The following USP40 variants were observed in gnomAD, a reference collection of about 807,000 sequenced individuals.
USP40 encodes ubiquitin carboxyl-terminal hydrolase 40.
In USP40, 143 loss-of-function variants were observed where a neutral mutation model predicts 166.2. That is an observed-to-expected ratio of 0.86 (90% CI 0.75 to 0.99). USP40 has a LOEUF of 0.99. Ranked by LOEUF, USP40 falls within the 50% of genes least tolerant of loss-of-function variation. The pLI is 0.00. For synonymous variants in USP40, 498 were observed against 524.0 expected, an observed-to-expected ratio of 0.95 and a Z score of 0.68; for missense variants, 1,444 against 1,479.7, an observed-to-expected ratio of 0.98 and a Z score of 0.40.
At chr2:233,540,489 T>C (rs1247971786) in intron 10 of USP40, among the ~76,000 whole-genome samples, 173 bp downstream of exon 10, 1 of 152,236 alleles carries the variant, frequency 6.6e-6, no homozygotes, top group African/African-American at 2.4e-5. Context: ...CTATGATAAA[T>C]AACTCAGTAA....
At chr2:233,552,324 T>C (rs1269964206) in intron 6 of USP40, among the ~76,000 whole-genome samples, 7 of 151,776 alleles carry the variant, frequency 4.6e-5, no homozygotes, top group Admixed American at 4.6e-4. Flanking sequence ...TCAACTATAA[T>C]GTGGCTGAGA....
intron 2 of USP40, 57 bp downstream of exon 2, chr2:233,565,299 A>T (rs548890122): frequency 7.7e-7 from 1 of 1,296,768 alleles, no homozygotes; most frequent in East Asian, 2.5e-5. Flanking sequence ...TGCATAATTA[A>T]TTACATGTAA....
Position 233,477,508 on chromosome 2 carries a change from A to C in USP40, c.3600-5T>G. The C allele has an allele frequency of 6.2e-7, 1 of 1,611,562 alleles. No individual in the cohort carries two copies. Among genetic ancestry groups the C allele is most frequent in the Non-Finnish European group, 8.5e-7 (1 of 1,178,792 alleles). On this transcript the variant is annotated splice_region_variant and splice_polypyrimidine_tract_variant and intron_variant, in intron 31 of 31. Transcript: ENST00000678225. ...TGCTCATGGAGGGCTTCTTGGCTGCAGAGACACAGACACTGTCATTGACTC... is the reference window on the plus strand; with the variant it reads ...TGCTCATGGAGGGCTTCTTGGCTGCCGAGACACAGACACTGTCATTGACTC...
chr2:233,477,841 C>T (rs993963740), intron 31 of USP40, among the ~76,000 whole-genome samples: 12 of 152,246 alleles, frequency 7.9e-5, no homozygotes, highest in African/African-American at 2.7e-4. Context: ...GCACACACAC[C>T]GCTGCACGAC....
In USP40 at chr2:233,477,139, TGA is replaced by T; in HGVS notation, c.*251_*252del. 4 of 495,870 alleles carry T rather than the reference TGA, an allele frequency of 8.1e-6. No individual in the cohort carries two copies. Among genetic ancestry groups the T allele is most frequent in the East Asian group, 3.7e-5 (1 of 27,072 alleles). 30.7% of individuals were successfully genotyped at this position (495,870 alleles called of 1,614,324 possible). On this transcript the variant is annotated 3_prime_UTR_variant, in exon 32 of 32. Coordinates refer to ENST00000678225, the MANE Select transcript of USP40 (RefSeq NM_001365479.2). ...AAGGCAGCTGGGGCCGGGTGCTGTG[TGA>T]GAGAGCCCAGCACCTACTGGCAGCT...
At chr2:233,518,876 C>T (rs541246116) in intron 18 of USP40, among the ~76,000 whole-genome samples, 1 of 152,026 alleles carries the variant, frequency 6.6e-6, no homozygotes, top group Admixed American at 6.5e-5. Context: ...CATGTTTGTC[C>T]AGGATAAACA....
At chr2:233,514,496 T>C (rs1416811248) in intron 18 of USP40, among the ~76,000 whole-genome samples, 1 of 150,274 alleles carries the variant, frequency 6.7e-6, no homozygotes, top group Non-Finnish European at 1.5e-5. Context: ...GGGAAGTGAG[T>C]TGTGAGTACG....
chr2:233,506,891 A>G (rs931067468), intron 21 of USP40, among the ~76,000 whole-genome samples: 1 of 152,016 alleles, frequency 6.6e-6, no homozygotes, highest in African/African-American at 2.4e-5. Flanking sequence ...AGCCTGGGTG[A>G]CAGAGAAAGA....
chr2:233,551,244 A>C, intron 7 of USP40, 132 bp downstream of exon 7: 1 of 1,015,826 alleles, frequency 9.8e-7, no homozygotes, highest in South Asian at 1.9e-5. Flanking sequence ...ACAACAAAGA[A>C]TAGTTTAACT....
intron 30 of USP40, among the ~76,000 whole-genome samples, chr2:233,483,163 A>G (rs2064735353): frequency 6.6e-6 from 1 of 152,150 alleles, no homozygotes; most frequent in Non-Finnish European, 1.5e-5. Context: ...AATGAAATTT[A>G]CTGATTCTTT....
intron 11 of USP40, among the ~76,000 whole-genome samples, chr2:233,532,776 T>C (rs1167851607): frequency 6.6e-6 from 1 of 151,836 alleles, no homozygotes; most frequent in East Asian, 1.9e-4. Context: ...ACCCTGTCTC[T>C]AAAAAAATGA....
intron 30 of USP40, among the ~76,000 whole-genome samples, chr2:233,484,093 T>C (rs992480047): frequency 8.5e-5 from 13 of 152,190 alleles, no homozygotes; most frequent in African/African-American, 2.6e-4. Flanking sequence ...TCCTTTTTCT[T>C]CTCGCAGTGA....
chr2:233,521,837 A>G (rs1431379107), intron 16 of USP40, among the ~76,000 whole-genome samples: 5 of 152,226 alleles, frequency 3.3e-5, no homozygotes, highest in Admixed American at 2.6e-4. Flanking sequence ...CTCCATGAAG[A>G]CTACTTTAAA....
intron 10 of USP40, among the ~76,000 whole-genome samples, chr2:233,540,003 T>C (rs958050725): frequency 5.9e-5 from 9 of 151,704 alleles, no homozygotes; most frequent in Admixed American, 2.6e-4. Flanking sequence ...CACATGCCTG[T>C]AGTCCCAGCT....
At chr2:233,545,462 C>T (rs141221410) in intron 8 of USP40, 53 of 152,360 alleles carry the variant, frequency 3.5e-4, no homozygotes, top group African/African-American at 1.2e-3. Flanking sequence ...TTCTTTGCCC[C>T]ACTTCCTCAA....
At chr2:233,514,483 C>G (rs955503647) in intron 18 of USP40, among the ~76,000 whole-genome samples, 1 of 151,982 alleles carries the variant, frequency 6.6e-6, no homozygotes, top group Non-Finnish European at 1.5e-5. Context: ...GAAAAGTCAG[C>G]ATGGGAAGTG....
rs984596464 is a variant in USP40, at chr2:233,493,719, A to C, written c.2791-168T>G. Among the ~76,000 whole-genome samples, 2 of 152,256 alleles carry C rather than the reference A, an allele frequency of 1.3e-5. No homozygotes were observed. Among genetic ancestry groups the C allele is most frequent in the Non-Finnish European group, 2.9e-5 (2 of 68,044 alleles). On this transcript the variant is annotated intron_variant, in intron 24 of 31. Coordinates refer to ENST00000678225, the MANE Select transcript of USP40 (RefSeq NM_001365479.2). The surrounding 1 kb of genome is among the most constrained non-coding windows in gnomAD (Gnocchi z 4.7). ...AATTATACTTGTTTTTACAATCAAA[A>C]ATTTAAAATCATAAAAATCAGACTT... is the stretch of plus-strand genomic sequence containing the variant.
chr2:233,503,069 A>C (rs182508718), intron 21 of USP40, among the ~76,000 whole-genome samples: 1 of 152,344 alleles, frequency 6.6e-6, no homozygotes, highest in Admixed American at 6.5e-5. Flanking sequence ...GAGAAATTCA[A>C]AACAATGATC....
At chr2:233,501,738 T>C (rs540442291) in intron 21 of USP40, among the ~76,000 whole-genome samples, 41 of 152,314 alleles carry the variant, frequency 2.7e-4, no homozygotes, top group African/African-American at 8.9e-4. Flanking sequence ...GAGTTGCCAT[T>C]AACTGAAAAA....
Sources: allele counts gnomAD v4.1 joint callset (sites outside exome capture counted in the v4.1 genomes callset), GRCh38; gene constraint gnomAD v4.1.1; non-coding constraint Gnocchi (gnomAD v3.1); transcripts MANE v1.5; gene names NCBI Gene and HGNC (gene_info 2026-07-23, HGNC 2026-07-21).